FSTL4: variants seen among roughly 807,000 people sequenced by gnomAD.
The protein encoded by FSTL4 is follistatin-related protein 4.
In FSTL4, 28 loss-of-function variants were observed where a neutral mutation model predicts 78.2. The ratio of observed to expected loss-of-function variants is 0.36; its 90% CI spans 0.27 to 0.49. The LOEUF is 0.49. Among genes scored for constraint, FSTL4 ranks in the 20% least tolerant of loss-of-function variants. The pLI is 0.98. For missense variants in FSTL4, 922 were observed against 1,084.9 expected (o/e 0.85, Z 2.11); for synonymous variants, 422 against 440.5 (o/e 0.96, Z 0.53).
intron 3 of FSTL4, among the ~76,000 whole-genome samples, chr5:133,427,319 A>G (rs975655077): frequency 1.3e-5 from 2 of 152,186 alleles, no homozygotes; most frequent in Non-Finnish European, 2.9e-5. Flanking sequence ...ATCAGCTCCC[A>G]CAGCTGAGCC....
chr5:133,231,512 T>C (rs535320821), intron 8 of FSTL4, among the ~76,000 whole-genome samples: 2 of 152,322 alleles, frequency 1.3e-5, no homozygotes, highest in South Asian at 4.1e-4. Context: ...TTAAAAATAA[T>C]GTGAAATTAA....
rs955432472 is a variant in FSTL4, at chr5:133,329,609, C to T, written c.410-12957G>A. On this transcript the variant is annotated intron_variant, in intron 4 of 15. Coordinates refer to ENST00000265342, the MANE Select transcript of FSTL4 (RefSeq NM_015082.2). ...AAGATGTAGGCTGGGAGGCCAGGCC[C>T]GTCTCTCCTTTTCACATTTTCTGCC... is the stretch of plus-strand genomic sequence containing the variant. Among the ~76,000 whole-genome samples the T allele has an allele frequency of 5.6e-4, 39 of 69,348 alleles. 1 individual carries two copies. The highest frequency in any genetic ancestry group is 5.0e-3 in the Admixed American group (28 of 5,654). 45.5% of individuals were successfully genotyped at this position (69,348 alleles called of 152,430 possible). A position where few individuals can be genotyped will look rare whatever the true frequency, so the allele number is the denominator to read the frequency against.
At chr5:133,512,362 CAG>C (rs1186449447) in intron 3 of FSTL4, among the ~76,000 whole-genome samples, 1 of 152,232 alleles carries the variant, frequency 6.6e-6, no homozygotes, top group Admixed American at 6.5e-5. Context: ...CCAAATGACA[CAG>C]TGAGCAAACA....
At chr5:133,319,230 A>G (rs530295903) in intron 4 of FSTL4, among the ~76,000 whole-genome samples, 2 of 152,354 alleles carry the variant, frequency 1.3e-5, no homozygotes, top group East Asian at 3.9e-4. Context: ...GTGCAGGTCT[A>G]GAAGTCAATC....
intron 6 of FSTL4, among the ~76,000 whole-genome samples, chr5:133,286,781 A>G (rs1158252295): frequency 2.0e-5 from 3 of 152,220 alleles, no homozygotes; most frequent in African/African-American, 7.2e-5. Context: ...CTTTTTGGAA[A>G]CAATTTTGTT....
chr5:133,406,210 GA>G (rs1167570881), intron 3 of FSTL4, among the ~76,000 whole-genome samples: 2 of 152,236 alleles, frequency 1.3e-5, no homozygotes, highest in Non-Finnish European at 2.9e-5. Flanking sequence ...GGGGGAAGGA[GA>G]GAGTGGAGCA....
intron 4 of FSTL4, among the ~76,000 whole-genome samples, chr5:133,354,127 G>A (rs1279126727): frequency 6.6e-6 from 1 of 152,046 alleles, no homozygotes; most frequent in Admixed American, 6.6e-5. Flanking sequence ...TCTGTAAACT[G>A]ACCCCTATTA....
the FSTL4 span, among the ~76,000 whole-genome samples, chr5:133,780,379 T>A: frequency 6.6e-6 from 1 of 152,090 alleles, no homozygotes; most frequent in African/African-American, 2.4e-5. Context: ...ACTGGCTCCA[T>A]CTCTCTAAAA....
chr5:133,267,866 G>T (rs966816997), intron 6 of FSTL4, among the ~76,000 whole-genome samples: 1 of 152,158 alleles, frequency 6.6e-6, no homozygotes, highest in African/African-American at 2.4e-5. Flanking sequence ...TCACTGGCTT[G>T]GCTGGGGCAA....
At chr5:133,278,000 C>T (rs565373843) in intron 6 of FSTL4, among the ~76,000 whole-genome samples, 136 of 152,302 alleles carry the variant, frequency 8.9e-4, no homozygotes, top group Admixed American at 2.2e-3. Flanking sequence ...CTGGAACATG[C>T]GGCCCTCACC....
intron 3 of FSTL4, among the ~76,000 whole-genome samples, chr5:133,401,429 G>C (rs754973335): frequency 4.6e-5 from 7 of 152,192 alleles, no homozygotes; most frequent in Non-Finnish European, 5.9e-5. Context: ...TCCTGGACTA[G>C]AGGCCTATTA....
chr5:133,774,411 G>A, the FSTL4 span, among the ~76,000 whole-genome samples: 1 of 152,294 alleles, frequency 6.6e-6, no homozygotes, highest in East Asian at 1.9e-4. Flanking sequence ...CTAGTGGGTA[G>A]AGGCTAAAGA....
At chr5:133,674,697 A>G in the FSTL4 span, among the ~76,000 whole-genome samples, 1 of 151,962 alleles carries the variant, frequency 6.6e-6, no homozygotes, top group Admixed American at 6.6e-5. Flanking sequence ...ATCATAGTGT[A>G]TGTCAGAATA....
At position 133,244,848 on chromosome 5, in the gene FSTL4, G is replaced by T. The variant is rs547202016; in HGVS notation, c.894+4562C>A. ...CCTTAAGAAGGCAAAGGCCAGGTACGGTGGCTCACACCTGTAGTCCCAGCA... is the reference window on the plus strand; with the variant it reads ...CCTTAAGAAGGCAAAGGCCAGGTACTGTGGCTCACACCTGTAGTCCCAGCA... On this transcript the variant is annotated intron_variant, in intron 7 of 15. Transcript: ENST00000265342. 43 of 152,486 alleles carry T rather than the reference G, an allele frequency of 2.8e-4. 1 individual carries two copies. Among genetic ancestry groups the T allele is most frequent in the African/African-American group, 1.0e-3 (42 of 41,536 alleles). 9.4% of individuals were successfully genotyped at this position (152,486 alleles called of 1,614,324 possible). A position where few individuals can be genotyped will look rare whatever the true frequency, so the allele number is the denominator to read the frequency against.
At chr5:133,375,300 A>ATGTATGTGTG (rs1554109202) in intron 4 of FSTL4, among the ~76,000 whole-genome samples, 5 of 131,678 alleles carry the variant, frequency 3.8e-5, no homozygotes, top group African/African-American at 1.3e-4. Flanking sequence ...GCATATATAT[A>ATGTATGTGTG]TATATATATA....
At chr5:133,787,076 G>C in the FSTL4 span, among the ~76,000 whole-genome samples, 1 of 152,118 alleles carries the variant, frequency 6.6e-6, no homozygotes, top group East Asian at 1.9e-4. Context: ...TCTCAAACTT[G>C]ATGTCCCAGG....
the FSTL4 span, among the ~76,000 whole-genome samples, chr5:133,798,950 A>AAGGG: frequency 0.013 from 1,021 of 81,320 alleles, 84 homozygotes; most frequent in African/African-American, 0.063. Context: ...GAGGATAAGG[A>AAGGG]AGGGAGGGAG....
chr5:133,538,776 T>A (rs1287057420), intron 3 of FSTL4, among the ~76,000 whole-genome samples: 3 of 152,194 alleles, frequency 2.0e-5, no homozygotes, highest in Admixed American at 2.0e-4. Context: ...TTTATTATCT[T>A]TCATGGTTTC....
intron 1 of FSTL4, among the ~76,000 whole-genome samples, chr5:133,609,293 G>T (rs926293193): frequency 2.0e-5 from 3 of 151,778 alleles, no homozygotes; most frequent in Admixed American, 6.6e-5. Context: ...CACTGTAGGT[G>T]TGTAGCATTT....
Sources: allele counts gnomAD v4.1 joint callset (sites outside exome capture counted in the v4.1 genomes callset), GRCh38; gene constraint gnomAD v4.1.1; transcripts MANE v1.5; gene names NCBI Gene and HGNC (gene_info 2026-07-23, HGNC 2026-07-21).